SLC12A3: variants seen among roughly 807,000 people sequenced by gnomAD.
SLC12A3 encodes the protein solute carrier family 12 member 3.
SLC12A3 carries 104 observed loss-of-function variants against 121.0 expected under a neutral mutation model. That is an observed-to-expected ratio of 0.86 (90% CI 0.73 to 1.01). SLC12A3 has a LOEUF of 1.01. Among genes scored for constraint, SLC12A3 ranks in the 50% least tolerant of loss-of-function variants. The pLI is 0.00. For synonymous variants in SLC12A3, 536 were observed against 533.4 expected, an observed-to-expected ratio of 1.00 and a Z score of -0.07; for missense variants, 1,328 against 1,356.3, an observed-to-expected ratio of 0.98 and a Z score of 0.33.
chr16:56,887,792 ATATATATTTT>A (rs372245017), intron 17 of SLC12A3, 123 bp from the exon 18 acceptor site: 38 of 114,718 alleles, frequency 3.3e-4, no homozygotes, highest in Admixed American at 1.2e-3. Flanking sequence ...ATATATATAT[ATATATATTTT>A]TTTTTTTTTT....
At chr16:56,895,457 G>A (rs2055450070) in intron 22 of SLC12A3, among the ~76,000 whole-genome samples, 1 of 150,394 alleles carries the variant, frequency 6.6e-6, no homozygotes, top group Non-Finnish European at 1.5e-5. Context: ...GCCTCCCAAA[G>A]TGCTGGGATT....
At chr16:56,890,589 T>C (rs1194193093) in intron 19 of SLC12A3, among the ~76,000 whole-genome samples, 1 of 151,966 alleles carries the variant, frequency 6.6e-6, no homozygotes, top group East Asian at 1.9e-4. Context: ...CAAATCACAA[T>C]TGGGTCGGGG....
Position 56,865,445 on chromosome 16 carries a change from T to C in SLC12A3, c.210T>C (p.Tyr70=). 6.2e-7 allele frequency: 1 copy of C among 1,614,138 alleles called. No homozygotes were observed. Residue 70 remains tyrosine, a synonymous_variant, in exon 1 of 26, where the codon TAT becomes TAC. Transcript: ENST00000563236. ...TIDVVPTYEH[Y]ANSTQPGEPR... is the part of the protein sequence containing the mutation. The stretch of plus-strand genomic sequence containing the variant: ...ATGTGGTGCCCACATATGAGCACTA[T>C]GCCAACAGCACCCAGCCTGGTGAGC...
At chr16:56,890,013 T>C (rs1756007719) in intron 18 of SLC12A3, among the ~76,000 whole-genome samples, 2 of 152,176 alleles carry the variant, frequency 1.3e-5, no homozygotes. Flanking sequence ...TCCAAATGTA[T>C]CAGGAGGACA....
At chr16:56,902,192 G>A (rs2055546794) in intron 23 of SLC12A3, 181 bp from the exon 24 acceptor site, 1 of 723,308 alleles carries the variant, frequency 1.4e-6, no homozygotes, top group Non-Finnish European at 2.3e-6. Context: ...TCAGTTGGAT[G>A]CCAGACCCAG....
At chr16:56,869,654 C>A in intron 3 of SLC12A3, 75 bp from the exon 4 acceptor site, 1 of 1,154,312 alleles carries the variant, frequency 8.7e-7, no homozygotes, top group South Asian at 1.3e-5. Flanking sequence ...ACGTAGGTCG[C>A]ATGGTGAATG....
intron 25 of SLC12A3, among the ~76,000 whole-genome samples, chr16:56,911,465 C>T (rs2055684498): frequency 6.6e-6 from 1 of 152,140 alleles, no homozygotes; most frequent in African/African-American, 2.4e-5. Context: ...GCTGGGACCA[C>T]AGGCGTGTGC....
intron 25 of SLC12A3, among the ~76,000 whole-genome samples, chr16:56,909,969 CACAGCTGATAA>C (rs2055663887): frequency 6.6e-6 from 1 of 152,188 alleles, no homozygotes; most frequent in East Asian, 1.9e-4. Context: ...GCTACCCCAG[CACAGCTGATAA>C]ACCAGCCTCA....
At chr16:56,912,247 C>T (rs1383264457) in intron 25 of SLC12A3, among the ~76,000 whole-genome samples, 2 of 152,282 alleles carry the variant, frequency 1.3e-5, no homozygotes, top group Non-Finnish European at 2.9e-5. Context: ...CCCACAGACC[C>T]TCCTGGAGCC....
intron 23 of SLC12A3, 114 bp downstream of exon 23, chr16:56,899,730 G>A (rs941689122): frequency 1.4e-5 from 11 of 795,034 alleles, no homozygotes; most frequent in Middle Eastern, 2.4e-4. Context: ...TCTCCTCCAA[G>A]CCCTTCCTAG....
chr16:56,880,715 T>A (rs868551284), intron 12 of SLC12A3, among the ~76,000 whole-genome samples: 1 of 152,198 alleles, frequency 6.6e-6, no homozygotes, highest in African/African-American at 2.4e-5. Flanking sequence ...GGCCTAGGGC[T>A]TCTAGACTCC....
At chr16:56,871,176 A>G (rs1182780256) in intron 6 of SLC12A3, among the ~76,000 whole-genome samples, 2 of 152,162 alleles carry the variant, frequency 1.3e-5, no homozygotes, top group African/African-American at 4.8e-5. Flanking sequence ...CACATGGCCC[A>G]GGGTGGGCAT....
intron 8 of SLC12A3, among the ~76,000 whole-genome samples, chr16:56,877,804 T>C (rs1189430706): frequency 6.6e-6 from 1 of 152,204 alleles, no homozygotes. Context: ...ATTTCTTCTC[T>C]CTGCCTCCAT....
At chr16:56,875,683 T>C (rs1298272413) in intron 8 of SLC12A3, among the ~76,000 whole-genome samples, 3 of 152,032 alleles carry the variant, frequency 2.0e-5, no homozygotes, top group Non-Finnish European at 2.9e-5. Flanking sequence ...TATTTTCTGA[T>C]TTCACAGATG....
chr16:56,913,276 A>G lies in SLC12A3; in HGVS notation c.2937A>G (p.Ile979Met). Residue 979 changes from isoleucine to methionine, a missense_variant, in exon 26 of 26, where the codon ATA becomes ATG. Transcript: ENST00000563236. ...DAALIVITLP[I>M]GRKGKCPSSL... ...TCATGCCTTGCAGCACTTTGCCCATAGGGAGGAAGGGGAAGTGCCCCAGCT... is the reference window on the plus strand; with the variant it reads ...TCATGCCTTGCAGCACTTTGCCCATGGGGAGGAAGGGGAAGTGCCCCAGCT... 1 of 1,614,140 alleles carries G rather than the reference A, an allele frequency of 6.2e-7. No individual in the cohort carries two copies. The highest frequency in any genetic ancestry group is 8.5e-7 in the Non-Finnish European group (1 of 1,180,026).
intron 25 of SLC12A3, among the ~76,000 whole-genome samples, chr16:56,905,338 CAAAAAA>C (rs59206129): frequency 7.9e-5 from 4 of 50,762 alleles, no homozygotes; most frequent in African/African-American, 6.8e-5. Flanking sequence ...AACTCCGTCT[CAAAAAA>C]AAAAAAAAAA....
chr16:56,876,860 A>G (rs1234374797), intron 8 of SLC12A3, among the ~76,000 whole-genome samples: 1 of 152,102 alleles, frequency 6.6e-6, no homozygotes, highest in East Asian at 1.9e-4. Flanking sequence ...CAGGTCTTGA[A>G]CTTACTGTAA....
rs754993017 is a variant in SLC12A3, at chr16:56,887,063, C to T, written c.2148C>T (p.Asp716=). The T allele has an allele frequency of 4.3e-6, 7 of 1,613,920 alleles. No homozygotes were observed. The highest frequency in any genetic ancestry group is 1.6e-4 in the Middle Eastern group (1 of 6,084). ...KAFYSDVIAE[D]LRRGVQILMQ... ...TCTACTCGGATGTCATTGCCGAGGA[C>T]CTCCGCAGAGGCGTCCAGATCCTCA... is the stretch of plus-strand genomic sequence containing the variant. The change falls in exon 17 of 26, where the codon GAC becomes GAT. Residue 716 remains aspartate, a synonymous_variant. Coordinates refer to ENST00000563236, the MANE Select transcript of SLC12A3 (RefSeq NM_001126108.2).
chr16:56,894,708 C>T (rs2055439206), intron 22 of SLC12A3, 66 bp downstream of exon 22: 1 of 1,218,922 alleles, frequency 8.2e-7, no homozygotes. Context: ...CCACCCAAGG[C>T]TGTCCCCTAC....
Sources: gnomAD v4.1 joint callset for allele counts (sites outside exome capture counted in the v4.1 genomes callset) on GRCh38, gnomAD v4.1.1 for gene constraint, MANE v1.5 for transcripts, NCBI Gene and HGNC (gene_info 2026-07-23, HGNC 2026-07-21) for gene names.